ANO6: variants seen among roughly 807,000 people sequenced by gnomAD.
ANO6 encodes anoctamin 6, also known as anoctamin-6.
A neutral mutation model predicts 117.5 loss-of-function variants in ANO6; 106 were observed. The ratio of observed to expected loss-of-function variants is 0.90; its 90% CI spans 0.77 to 1.06. The LOEUF is 1.06. Ranked by LOEUF, ANO6 falls within the 50% of genes least tolerant of loss-of-function variation. The pLI is 0.00. For missense variants in ANO6, 955 were observed against 1,121.1 expected (o/e 0.85, Z 2.12); for synonymous variants, 367 against 385.1 (o/e 0.95, Z 0.55).
Position 45,321,342 on chromosome 12 carries a change from C to T in ANO6, c.151-9953C>T, listed in dbSNP as rs143852267. ...TAATAAATTTTCGCTACTTGCCTTG[C>T]GTTTTGAAAGGACCTTTACCCAAGC... On this transcript the variant is annotated intron_variant, in intron 2 of 19. Coordinates refer to ENST00000320560, the MANE Select transcript of ANO6 (RefSeq NM_001025356.3). 1.3e-3 allele frequency among the ~76,000 whole-genome samples: 197 copies of T among 152,154 alleles called. 1 individual carries two copies. The highest frequency in any genetic ancestry group is 4.4e-3 in the African/African-American group (183 of 41,516).
intron 1 of ANO6, among the ~76,000 whole-genome samples, chr12:45,248,121 A>G (rs1947852058): frequency 1.3e-5 from 2 of 152,368 alleles, no homozygotes; most frequent in South Asian, 4.1e-4. Flanking sequence ...AAAAAGTTTC[A>G]TAAATAGTAC....
chr12:45,363,375 T>G (rs1293912612), intron 8 of ANO6, among the ~76,000 whole-genome samples: 2 of 152,014 alleles, frequency 1.3e-5, no homozygotes, highest in African/African-American at 2.4e-5. Flanking sequence ...CCATCCTCAC[T>G]ATCACAGTGA....
chr12:45,249,349 C>T (rs1270963390), intron 1 of ANO6, among the ~76,000 whole-genome samples: 1 of 152,112 alleles, frequency 6.6e-6, no homozygotes, highest in Non-Finnish European at 1.5e-5. Flanking sequence ...TTGTGATGAG[C>T]ATTTCATCTT....
chr12:45,385,229 G>A (rs148689815), intron 10 of ANO6, among the ~76,000 whole-genome samples: 2 of 151,930 alleles, frequency 1.3e-5, no homozygotes, highest in East Asian at 3.9e-4. Flanking sequence ...GGATGCATGA[G>A]TGCTATGTAT....
chr12:45,228,875 T>G (rs1181290283), intron 1 of ANO6, among the ~76,000 whole-genome samples: 2 of 151,776 alleles, frequency 1.3e-5, no homozygotes, highest in African/African-American at 2.4e-5. Flanking sequence ...TCTTCTAAAA[T>G]TGGAGATTAT....
At chr12:45,309,075 A>T (rs1022869453) in intron 2 of ANO6, among the ~76,000 whole-genome samples, 1 of 152,120 alleles carries the variant, frequency 6.6e-6, no homozygotes, top group Non-Finnish European at 1.5e-5. Flanking sequence ...TTCTTTTTGA[A>T]TATTTCTTAA....
Position 45,279,649 on chromosome 12 carries a change from T to C in ANO6, c.71-22365T>C, listed in dbSNP as rs567915829. Among the ~76,000 whole-genome samples the C allele has an allele frequency of 5.9e-5, 9 of 152,370 alleles. No homozygotes were observed. In the South Asian group the frequency reaches 1.7e-3, roughly 28 times the overall value. The stretch of plus-strand genomic sequence containing the variant: ...GCCCCTGGGTCAGTGTTTAGGACAC[T>C]TGGGTTCCATTCCCACATTTGCTAC... On this transcript the variant is annotated intron_variant, in intron 1 of 19. Coordinates refer to ENST00000320560, the MANE Select transcript of ANO6 (RefSeq NM_001025356.3).
At chr12:45,228,099 C>A in intron 1 of ANO6, 1 of 396,236 alleles carries the variant, frequency 2.5e-6, no homozygotes, top group East Asian at 8.0e-5. Flanking sequence ...GTGGCCTATC[C>A]TATTCTCCTA....
Position 45,421,051 on chromosome 12 carries a change from T to A in ANO6, c.2218-20T>A. 6.2e-7 allele frequency: 1 copy of A among 1,612,888 alleles called. No homozygotes were observed. The highest frequency in any genetic ancestry group is 8.5e-7 in the Non-Finnish European group (1 of 1,179,308). On this transcript the variant is annotated intron_variant, in intron 17 of 19. Transcript: ENST00000320560. ...AAAAAACTATAACTTCATTTTCGCT[T>A]TGTTTTTCTCCCAAAATAGGCCATG...
At chr12:45,422,420 C>A (rs1203927690) in intron 18 of ANO6, among the ~76,000 whole-genome samples, 2 of 152,034 alleles carry the variant, frequency 1.3e-5, no homozygotes, top group Admixed American at 6.5e-5. Flanking sequence ...AAGATGGATT[C>A]TTTTCTACAA....
At chr12:45,323,852 T>C (rs1940364739) in intron 2 of ANO6, among the ~76,000 whole-genome samples, 1 of 23,060 alleles carries the variant, frequency 4.3e-5, no homozygotes, top group Admixed American at 8.4e-4. Context: ...TAAGAGAGTT[T>C]TGTAAGGTTT....
At chr12:45,314,230 G>A (rs990787470) in intron 2 of ANO6, among the ~76,000 whole-genome samples, 1 of 151,950 alleles carries the variant, frequency 6.6e-6, no homozygotes, top group African/African-American at 2.4e-5. Flanking sequence ...CCACTTTCAT[G>A]TGCTTATCTT....
intron 1 of ANO6, among the ~76,000 whole-genome samples, chr12:45,300,186 A>C (rs933741189): frequency 7.2e-5 from 11 of 152,034 alleles, no homozygotes; most frequent in Admixed American, 4.6e-4. Flanking sequence ...AGCATTATTT[A>C]TTTCTTTCTT....
chr12:45,328,543 A>C (rs185019187), intron 2 of ANO6, among the ~76,000 whole-genome samples: 2 of 152,280 alleles, frequency 1.3e-5, no homozygotes, highest in East Asian at 3.9e-4. Context: ...TGCAACAGTT[A>C]GGAAAAACAC....
chr12:45,229,703 T>A (rs1193280609), intron 1 of ANO6, among the ~76,000 whole-genome samples: 1 of 151,500 alleles, frequency 6.6e-6, no homozygotes, highest in Non-Finnish European at 1.5e-5. Flanking sequence ...TTAGTTTTTT[T>A]AATTCTACCT....
At chr12:45,389,412 G>A (rs1942383352) in intron 11 of ANO6, among the ~76,000 whole-genome samples, 1 of 152,140 alleles carries the variant, frequency 6.6e-6, no homozygotes, top group Non-Finnish European at 1.5e-5. Context: ...GAAGTAGTTT[G>A]AGCACTAAAA....
chr12:45,424,862 G>A (rs1185377282), intron 19 of ANO6, among the ~76,000 whole-genome samples: 1 of 151,958 alleles, frequency 6.6e-6, no homozygotes, highest in Non-Finnish European at 1.5e-5. Context: ...ATCTTCTCTG[G>A]AGAAAAATGT....
intron 16 of ANO6, among the ~76,000 whole-genome samples, chr12:45,410,341 T>G (rs1275186656): frequency 6.6e-6 from 1 of 152,226 alleles, no homozygotes; most frequent in Non-Finnish European, 1.5e-5. Context: ...GGCTCATAAC[T>G]GGCCTGAATT....
Position 45,318,924 on chromosome 12 carries a change from A to G in ANO6, c.151-12371A>G, listed in dbSNP as rs530760575. Among the ~76,000 whole-genome samples, 4 of 152,028 alleles carry G rather than the reference A, an allele frequency of 2.6e-5. No homozygotes were observed. The East Asian group carries it at 5.8e-4, about 22-fold the overall frequency. On this transcript the variant is annotated intron_variant, in intron 2 of 19. Coordinates refer to ENST00000320560, the MANE Select transcript of ANO6 (RefSeq NM_001025356.3). Reference sequence around the variant, plus strand: ...CTCATGATTTGGCTCTCTGTCTGTTATTGGTGTATAAGAATGCTTGTGATT... The same window carrying G: ...CTCATGATTTGGCTCTCTGTCTGTTGTTGGTGTATAAGAATGCTTGTGATT...
Sources: gnomAD v4.1 joint callset for allele counts (sites outside exome capture counted in the v4.1 genomes callset) on GRCh38, gnomAD v4.1.1 for gene constraint, MANE v1.5 for transcripts, NCBI Gene and HGNC (gene_info 2026-07-23, HGNC 2026-07-21) for gene names.